The following CSNK1G1 variants were observed in gnomAD, a reference collection of about 807,000 sequenced individuals.
CSNK1G1 encodes casein kinase I isoform gamma-1.
In CSNK1G1, 22 loss-of-function variants were observed where a neutral mutation model predicts 59.6. The ratio of observed to expected loss-of-function variants is 0.37; its 90% CI spans 0.26 to 0.53. The LOEUF is 0.53. Ranked by LOEUF, CSNK1G1 falls within the 20% of genes least tolerant of loss-of-function variation. The pLI is 0.89. For synonymous variants in CSNK1G1, 179 were observed against 177.1 expected (o/e 1.01, Z -0.08); for missense variants, 384 against 519.5 (o/e 0.74, Z 2.54).
intron 2 of CSNK1G1, among the ~76,000 whole-genome samples, chr15:64,277,256 G>C (rs1893682575): frequency 6.6e-6 from 1 of 152,034 alleles, no homozygotes; most frequent in Non-Finnish European, 1.5e-5. Flanking sequence ...CTTGAGGCCA[G>C]GGGTTTGAGA....
At chr15:64,245,346 C>G (rs1324211827) in intron 4 of CSNK1G1, among the ~76,000 whole-genome samples, 3 of 151,954 alleles carry the variant, frequency 2.0e-5, no homozygotes, top group African/African-American at 7.3e-5. Flanking sequence ...ATATGCAAAC[C>G]ATGTATCTAA....
intron 4 of CSNK1G1, among the ~76,000 whole-genome samples, chr15:64,221,364 A>T (rs1018500656): frequency 6.6e-6 from 1 of 152,206 alleles, no homozygotes; most frequent in African/African-American, 2.4e-5. Flanking sequence ...CCATGTTTAC[A>T]ATGAAGTCAC....
At chr15:64,352,044 C>A (rs1490465880) in intron 1 of CSNK1G1, among the ~76,000 whole-genome samples, 1 of 152,082 alleles carries the variant, frequency 6.6e-6, no homozygotes, top group Non-Finnish European at 1.5e-5. Context: ...GGGCAGTTCA[C>A]ACCTGTAATC....
chr15:64,302,601 T>C (rs947670952), intron 1 of CSNK1G1, among the ~76,000 whole-genome samples: 32 of 152,222 alleles, frequency 2.1e-4, no homozygotes, highest in African/African-American at 7.0e-4. Flanking sequence ...TTTTCAAGTA[T>C]ATCCACTATC....
At chr15:64,229,701 A>G (rs544420324) in intron 4 of CSNK1G1, among the ~76,000 whole-genome samples, 33 of 152,176 alleles carry the variant, frequency 2.2e-4, no homozygotes, top group South Asian at 1.9e-3. Context: ...GACCAAGGAC[A>G]TTATTAGTCC....
rs1897130042 is a variant in CSNK1G1 at position 64,331,901 on chromosome 15, C to T, written c.-225+24087G>A. On this transcript the variant is annotated intron_variant, in intron 1 of 11. Transcript: ENST00000303052. ...CACTTCTCAAAAGAAGACATTTATG[C>T]AGCCAAAAAACACATGAAAAAATGC... is the stretch of plus-strand genomic sequence containing the variant. Among the ~76,000 whole-genome samples, 5 of 148,986 alleles carry T rather than the reference C, an allele frequency of 3.4e-5. No individual in the cohort carries two copies. In the South Asian group the frequency reaches 1.1e-3, roughly 32 times the overall value.
Position 64,233,919 on chromosome 15 carries a change from T to A in CSNK1G1, c.293-17206A>T, listed in dbSNP as rs536274327. The stretch of plus-strand genomic sequence containing the variant: ...TTAAGCATTTGCCACACACTGGACT[T>A]AAGCTACAACATCAATGGAAACATT... On this transcript the variant is annotated intron_variant, in intron 4 of 11. Transcript: ENST00000303052. Among the ~76,000 whole-genome samples the A allele has an allele frequency of 1.6e-4, 24 of 152,344 alleles. No individual in the cohort carries two copies. The East Asian group carries it at 4.2e-3, about 27-fold the overall frequency.
At chr15:64,270,491 G>A (rs1055150235) in intron 2 of CSNK1G1, among the ~76,000 whole-genome samples, 2 of 152,044 alleles carry the variant, frequency 1.3e-5, no homozygotes, top group Non-Finnish European at 2.9e-5. Context: ...CGGGCGCAGT[G>A]GCTCACGCCT....
chr15:64,228,751 C>G (rs1316944146), intron 4 of CSNK1G1, among the ~76,000 whole-genome samples: 3 of 152,184 alleles, frequency 2.0e-5, no homozygotes, highest in East Asian at 3.8e-4. Context: ...CATGGTGGCT[C>G]ACGCCCATAA....
intron 2 of CSNK1G1, among the ~76,000 whole-genome samples, chr15:64,273,374 A>G (rs1893431776): frequency 6.6e-6 from 1 of 152,182 alleles, no homozygotes; most frequent in Non-Finnish European, 1.5e-5. Context: ...AGATGAATAA[A>G]ATGTTTTTAT....
chr15:64,296,590 T>C (rs2140395484), intron 2 of CSNK1G1, among the ~76,000 whole-genome samples: 1 of 152,270 alleles, frequency 6.6e-6, no homozygotes, highest in Non-Finnish European at 1.5e-5. Context: ...GAAGGCTGGG[T>C]GCAGTGGCTC....
chr15:64,180,493 G>T, intron 10 of CSNK1G1, 39 bp from the exon 11 acceptor site: 1 of 1,523,514 alleles, frequency 6.6e-7, no homozygotes, highest in Non-Finnish European at 9.1e-7. Flanking sequence ...AGGCACCATG[G>T]CAACAGAAAT....
At chr15:64,297,243 G>C (rs1895075768) in intron 2 of CSNK1G1, among the ~76,000 whole-genome samples, 1 of 152,078 alleles carries the variant, frequency 6.6e-6, no homozygotes, top group Admixed American at 6.6e-5. Context: ...ATGTGCTAGA[G>C]AAGAAACGTG....
chr15:64,316,549 A>C (rs962066129), intron 1 of CSNK1G1, among the ~76,000 whole-genome samples: 30 of 151,596 alleles, frequency 2.0e-4, no homozygotes, highest in African/African-American at 6.8e-4. Flanking sequence ...AAAAAAAAAA[A>C]AAAAAAAGAA....
At chr15:64,207,480 A>T in intron 7 of CSNK1G1, 29 bp downstream of exon 7, 1 of 1,505,494 alleles carries the variant, frequency 6.6e-7, no homozygotes, top group Non-Finnish European at 9.2e-7. Context: ...ATTGAAACAA[A>T]GCCCTCCACT....
chr15:64,187,543 G>C (rs2081913984), intron 10 of CSNK1G1, among the ~76,000 whole-genome samples: 1 of 152,210 alleles, frequency 6.6e-6, no homozygotes, highest in Non-Finnish European at 1.5e-5. Flanking sequence ...TTTCTATAGG[G>C]CCAAAACTGT....
At chr15:64,246,153 A>C (rs1891741216) in intron 4 of CSNK1G1, among the ~76,000 whole-genome samples, 1 of 152,220 alleles carries the variant, frequency 6.6e-6, no homozygotes, top group Non-Finnish European at 1.5e-5. Flanking sequence ...AACCACCCTG[A>C]CTTGATAATT....
intron 11 of CSNK1G1, 79 bp downstream of exon 11, chr15:64,180,269 C>A (rs945440385): frequency 9.7e-7 from 1 of 1,033,324 alleles, no homozygotes; most frequent in Non-Finnish European, 1.5e-6. Context: ...CAGTCTGAGA[C>A]GAGCAGCACA....
At chr15:64,292,196 C>T (rs1010186359) in intron 2 of CSNK1G1, among the ~76,000 whole-genome samples, 4 of 142,568 alleles carry the variant, frequency 2.8e-5, no homozygotes, top group Admixed American at 7.3e-5. Flanking sequence ...GGCGACAGAG[C>T]GAGACTCCGT....
Sources: allele counts gnomAD v4.1 joint callset (sites outside exome capture counted in the v4.1 genomes callset), GRCh38; gene constraint gnomAD v4.1.1; transcripts MANE v1.5; gene names NCBI Gene and HGNC (gene_info 2026-07-23, HGNC 2026-07-21).